The following CDH13 variants were observed in gnomAD, a reference collection of about 807,000 sequenced individuals.
CDH13 encodes cadherin 13, also known as cadherin-13.
CDH13 carries 24 observed loss-of-function variants against 63.8 expected under a neutral mutation model. That is an observed-to-expected ratio of 0.38 (90% CI 0.27 to 0.53). The LOEUF (loss-of-function observed/expected upper bound fraction) is 0.53. CDH13 is among the 20% of genes least tolerant of loss of function. The pLI, the probability that CDH13 is intolerant of heterozygous loss-of-function variation, is 0.85. For missense variants in CDH13, 1,049 were observed against 903.1 expected (o/e 1.16, Z -2.07); for synonymous variants, 503 against 355.3 (o/e 1.42, Z -4.67).
At chr16:82,716,915 C>T (rs746801840) in intron 1 of CDH13, among the ~76,000 whole-genome samples, 4 of 151,932 alleles carry the variant, frequency 2.6e-5, no homozygotes, top group Non-Finnish European at 5.9e-5. Context: ...ATTCCTTCTT[C>T]AAGTCCCGGT....
chr16:83,099,486 G>C (rs1047487059), intron 3 of CDH13, among the ~76,000 whole-genome samples: 1 of 151,474 alleles, frequency 6.6e-6, no homozygotes, highest in South Asian at 2.1e-4. Context: ...ACCATGCCTG[G>C]CTAATTTTTG....
At chr16:83,512,122 C>A (rs1426464734) in intron 7 of CDH13, among the ~76,000 whole-genome samples, 2 of 151,048 alleles carry the variant, frequency 1.3e-5, no homozygotes, top group Non-Finnish European at 2.9e-5. Context: ...GAGGTGGAGA[C>A]CATCCTGGCT....
At chr16:83,200,030 G>A (rs1456944390) in intron 4 of CDH13, among the ~76,000 whole-genome samples, 1 of 152,118 alleles carries the variant, frequency 6.6e-6, no homozygotes, top group Non-Finnish European at 1.5e-5. Flanking sequence ...ACAGTGGCTG[G>A]GCCAGATTTA....
intron 1 of CDH13, among the ~76,000 whole-genome samples, chr16:82,733,083 A>G (rs190227197): frequency 6.6e-6 from 1 of 152,308 alleles, no homozygotes; most frequent in Non-Finnish European, 1.5e-5. Context: ...AATTGTGCCT[A>G]TCGATTGTGA....
intron 6 of CDH13, among the ~76,000 whole-genome samples, chr16:83,471,256 C>T (rs2073444577): frequency 7.0e-6 from 1 of 142,878 alleles, no homozygotes; most frequent in African/African-American, 2.6e-5. Context: ...TGTTTGGGAC[C>T]ATTATTTTTC....
At position 82,750,886 on chromosome 16, in the gene CDH13, G is replaced by C. The variant is rs556261496; in HGVS notation, c.46-107476G>C. On this transcript the variant is annotated intron_variant, in intron 1 of 13. Coordinates refer to ENST00000567109, the MANE Select transcript of CDH13 (RefSeq NM_001257.5). The stretch of plus-strand genomic sequence containing the variant: ...ATTTAGTAGGCACTCTTAATGCTAG[G>C]ACTGGTCACTTAAAACAAGTGTCTT... Among the ~76,000 whole-genome samples, 4 of 152,248 alleles carry C rather than the reference G, an allele frequency of 2.6e-5. No homozygotes were observed. The South Asian group carries it at 6.2e-4, about 24-fold the overall frequency.
intron 5 of CDH13, among the ~76,000 whole-genome samples, chr16:83,229,288 A>G (rs535271055): frequency 6.6e-6 from 1 of 152,308 alleles, no homozygotes; most frequent in African/African-American, 2.4e-5. Flanking sequence ...GGCACTGGGG[A>G]AAAGAGATCA....
At chr16:83,111,298 A>G (rs2035046065) in intron 3 of CDH13, among the ~76,000 whole-genome samples, 2 of 152,234 alleles carry the variant, frequency 1.3e-5, no homozygotes. Context: ...GGATAGTGCC[A>G]TGATAGAAGA....
chr16:83,078,573 G>A (rs1276710217), intron 3 of CDH13, among the ~76,000 whole-genome samples: 1 of 152,214 alleles, frequency 6.6e-6, no homozygotes, highest in Admixed American at 6.5e-5. Flanking sequence ...TGTCCGGCCA[G>A]GTTCCTAACA....
At chr16:83,407,455 C>G (rs1487735318) in intron 6 of CDH13, among the ~76,000 whole-genome samples, 1 of 152,180 alleles carries the variant, frequency 6.6e-6, no homozygotes, top group African/African-American at 2.4e-5. Context: ...TAAAGCAGAT[C>G]TGTGAAAAAG....
intron 4 of CDH13, among the ~76,000 whole-genome samples, chr16:83,198,737 A>G (rs1247141379): frequency 1.3e-5 from 2 of 152,218 alleles, no homozygotes; most frequent in Non-Finnish European, 2.9e-5. Context: ...GAACAGGCTC[A>G]GAAGCCTATA....
chr16:83,103,260 T>A (rs916919860), intron 3 of CDH13, among the ~76,000 whole-genome samples: 2 of 140,888 alleles, frequency 1.4e-5, no homozygotes, highest in Non-Finnish European at 3.1e-5. Context: ...TTTTTTTTTT[T>A]TTTTGAGACA....
intron 5 of CDH13, among the ~76,000 whole-genome samples, chr16:83,271,517 A>AAAC (rs1195175865): frequency 6.8e-6 from 1 of 146,802 alleles, no homozygotes; most frequent in Admixed American, 6.9e-5. Context: ...AAACAAAACA[A>AAAC]AACAACAACA....
intron 2 of CDH13, among the ~76,000 whole-genome samples, chr16:83,026,497 G>T (rs902700565): frequency 1.3e-5 from 2 of 152,042 alleles, no homozygotes; most frequent in Non-Finnish European, 2.9e-5. Context: ...CGAGGGTGGG[G>T]GGACAAAAAT....
intron 3 of CDH13, among the ~76,000 whole-genome samples, chr16:83,095,778 ACT>A (rs541105050): frequency 2.1e-4 from 32 of 152,176 alleles, no homozygotes; most frequent in Non-Finnish European, 3.8e-4. Flanking sequence ...TTTGCCTAAG[ACT>A]CTATGATTCT....
At chr16:83,056,697 G>A (rs1429400154) in intron 3 of CDH13, among the ~76,000 whole-genome samples, 3 of 152,164 alleles carry the variant, frequency 2.0e-5, no homozygotes, top group Admixed American at 2.0e-4. Flanking sequence ...TCATCTTGAA[G>A]TGCAGCTCCC....
chr16:82,971,319 C>A (rs898527668), intron 2 of CDH13, among the ~76,000 whole-genome samples: 1 of 152,224 alleles, frequency 6.6e-6, no homozygotes, highest in Non-Finnish European at 1.5e-5. Flanking sequence ...CTGTCACTCT[C>A]ATTCCTGTTC....
At chr16:83,313,544 T>C (rs182275692) in intron 5 of CDH13, among the ~76,000 whole-genome samples, 144 of 150,988 alleles carry the variant, frequency 9.5e-4, no homozygotes, top group African/African-American at 3.2e-3. Context: ...TTAGAGGTTC[T>C]CAACCCAAAG....
intron 5 of CDH13, among the ~76,000 whole-genome samples, chr16:83,272,862 G>A (rs1446642388): frequency 2.6e-5 from 4 of 152,212 alleles, no homozygotes; most frequent in Non-Finnish European, 4.4e-5. Context: ...AGTCAGCCCT[G>A]TGGGGATTTT....
Sources: gnomAD v4.1 joint callset for allele counts (sites outside exome capture counted in the v4.1 genomes callset) on GRCh38, gnomAD v4.1.1 for gene constraint, MANE v1.5 for transcripts, NCBI Gene and HGNC (gene_info 2026-07-23, HGNC 2026-07-21) for gene names.